The following ACTL6A variants were observed in gnomAD, a reference collection of about 807,000 sequenced individuals.
The protein encoded by ACTL6A is actin-like protein 6A.
Under a neutral mutation model 59.2 loss-of-function variants are expected in ACTL6A, and 5 were observed. The ratio of observed to expected loss-of-function variants is 0.08; its 90% CI spans 0.04 to 0.18. The LOEUF is 0.18. ACTL6A is among the 10% of genes least tolerant of loss of function. The pLI is 1.00. For synonymous variants in ACTL6A, 154 were observed against 171.8 expected (o/e 0.90, Z 0.81); for missense variants, 285 against 526.9 (o/e 0.54, Z 4.49).
In ACTL6A at chr3:179,569,842, T is replaced by A. The variant is rs1302794678; in HGVS notation, c.44T>A (p.Val15Asp). The A allele has an allele frequency of 6.2e-7, 1 of 1,614,042 alleles. No homozygotes were observed. ...VYGGDEVGAL[V>D]FDIGSYTVRA... Reference sequence around the variant, plus strand: ...TTTTCAGATGAAGTTGGAGCCCTTGTTTTTGACATTGGATCCTATACTGTG... The same window carrying A: ...TTTTCAGATGAAGTTGGAGCCCTTGATTTTGACATTGGATCCTATACTGTG... Residue 15 changes from valine (V) to aspartate (D), a missense_variant, in exon 2 of 14, where the codon GTT (valine) becomes GAT (aspartate). Transcript: ENST00000429709.
At chr3:179,564,728 A>G (rs182492830) in intron 1 of ACTL6A, among the ~76,000 whole-genome samples, 6 of 152,296 alleles carry the variant, frequency 3.9e-5, no homozygotes, top group Admixed American at 2.6e-4. Flanking sequence ...ATTTCACAAA[A>G]ATGTTTTTTG....
intron 8 of ACTL6A, among the ~76,000 whole-genome samples, chr3:179,580,377 G>C (rs2108366896): frequency 6.6e-6 from 1 of 152,260 alleles, no homozygotes; most frequent in Middle Eastern, 3.4e-3. Flanking sequence ...TGGTGCAGGG[G>C]TTCCTGCACC....
In ACTL6A at chr3:179,569,809, C is replaced by T. The variant is rs1717948129; in HGVS notation, c.26-15C>T. 2 of 1,611,536 alleles carry T rather than the reference C, an allele frequency of 1.2e-6. No homozygotes were observed. Among genetic ancestry groups the T allele is most frequent in the Non-Finnish European group, 1.7e-6 (2 of 1,177,806 alleles). The stretch of plus-strand genomic sequence containing the variant: ...TTTGCAAGCTGTTAATGCTAATTAT[C>T]TTTAATCTTTTCAGATGAAGTTGGA... On this transcript the variant is annotated splice_polypyrimidine_tract_variant and intron_variant, in intron 1 of 13. Coordinates refer to ENST00000429709, the MANE Select transcript of ACTL6A (RefSeq NM_004301.5).
chr3:179,574,938 G>A (rs894475864), intron 5 of ACTL6A: 1 of 175,784 alleles, frequency 5.7e-6, no homozygotes, highest in Non-Finnish European at 1.2e-5. Flanking sequence ...GCTATTTCCA[G>A]GATTACTGAA....
rs534709794 is a variant in ACTL6A, at chr3:179,569,858, C to A, written c.60C>A (p.Ser20=). The A allele has an allele frequency of 8.7e-6, 14 of 1,614,064 alleles. No individual in the cohort carries two copies. In the African/African-American group the frequency reaches 1.1e-4, roughly 12 times the overall value. ...EVGALVFDIG[S]YTVRAGYAGE... Reference sequence around the variant, plus strand: ...GAGCCCTTGTTTTTGACATTGGATCCTATACTGTGAGAGCTGGTTATGCTG... The same window carrying A: ...GAGCCCTTGTTTTTGACATTGGATCATATACTGTGAGAGCTGGTTATGCTG... The change falls in exon 2 of 14, where the codon TCC becomes TCA. Residue 20 remains serine (S), a synonymous_variant. Coordinates refer to ENST00000429709, the MANE Select transcript of ACTL6A (RefSeq NM_004301.5).
intron 1 of ACTL6A, among the ~76,000 whole-genome samples, chr3:179,564,829 C>T (rs960782229): frequency 6.6e-6 from 1 of 151,400 alleles, no homozygotes; most frequent in African/African-American, 2.4e-5. Flanking sequence ...CCGTATTTCA[C>T]TGATTCTTCG....
chr3:179,571,469 T>G (rs932088912), intron 3 of ACTL6A, among the ~76,000 whole-genome samples: 2 of 149,654 alleles, frequency 1.3e-5, no homozygotes, highest in African/African-American at 5.0e-5. Context: ...ATAGCCAAAA[T>G]CACTCTCAGG....
chr3:179,588,292 T>A lies in ACTL6A; in HGVS notation c.*282T>A. The A allele has an allele frequency of 3.3e-6, 1 of 299,814 alleles. No homozygotes were observed. The highest frequency in any genetic ancestry group is 6.0e-6 in the Non-Finnish European group (1 of 165,362). 18.6% of individuals were successfully genotyped at this position (299,814 alleles called of 1,614,324 possible). A position where few individuals can be genotyped will look rare whatever the true frequency, so the allele number is the denominator to read the frequency against. On this transcript the variant is annotated 3_prime_UTR_variant, in exon 14 of 14. Coordinates refer to ENST00000429709, the MANE Select transcript of ACTL6A (RefSeq NM_004301.5). ...AAATGCTTTCCAACTCTGTTTAGTG[T>A]ATTAATTACCAGTGGATTGGTAGAA...
intron 1 of ACTL6A, among the ~76,000 whole-genome samples, chr3:179,566,762 T>C (rs544828274): frequency 6.6e-6 from 1 of 152,304 alleles, no homozygotes; most frequent in African/African-American, 2.4e-5. Flanking sequence ...CGATCTCAGC[T>C]CGTTGCAGCC....
chr3:179,568,576 T>C (rs894944014), intron 1 of ACTL6A, among the ~76,000 whole-genome samples: 1 of 152,014 alleles, frequency 6.6e-6, no homozygotes, highest in Non-Finnish European at 1.5e-5. Flanking sequence ...TATATATGTA[T>C]GTGTATACAT....
chr3:179,563,274 C>T, intron 1 of ACTL6A, 157 bp downstream of exon 1: 4 of 1,280,314 alleles, frequency 3.1e-6, no homozygotes, highest in South Asian at 1.5e-5. Flanking sequence ...TCTGCCCGCC[C>T]CCGGAGCCCA....
rs1025291535 is a variant in ACTL6A, at chr3:179,569,867, G to A, written c.69G>A (p.Val23=). 2 of 1,614,224 alleles carry A rather than the reference G, an allele frequency of 1.2e-6. No homozygotes were observed. Among genetic ancestry groups the A allele is most frequent in the East Asian group, 4.5e-5 (2 of 44,888 alleles). ...TTTTTGACATTGGATCCTATACTGT[G>A]AGAGCTGGTTATGCTGGTGAGGACT... is the stretch of plus-strand genomic sequence containing the variant. ...ALVFDIGSYT[V]RAGYAGEDCP... The change falls in exon 2 of 14, where the codon GTG becomes GTA. Residue 23 remains valine, a synonymous_variant. Transcript: ENST00000429709.
At position 179,580,910 on chromosome 3, in the gene ACTL6A, C is replaced by G; in HGVS notation, c.847C>G (p.Pro283Ala). The part of the protein sequence containing the change: ...TYDEQVAAQM[P>A]TVHYEFPNGY... ...TGTTTTCAGAGTGGCTGCACAGATG[C>G]CAACTGTTCATTATGAATTCCCCAA... Residue 283 changes from proline (P) to alanine (A), a missense_variant, in exon 10 of 14, where the codon CCA becomes GCA. Pro to Ala is a conservative substitution (Grantham distance 27). Transcript: ENST00000429709. 2 of 1,586,472 alleles carry G rather than the reference C, an allele frequency of 1.3e-6. No homozygotes were observed. The highest frequency in any genetic ancestry group is 1.7e-6 in the Non-Finnish European group (2 of 1,173,826).
intron 8 of ACTL6A, among the ~76,000 whole-genome samples, chr3:179,579,489 C>CACACACA (rs966245251): frequency 1.3e-5 from 2 of 151,518 alleles, no homozygotes; most frequent in East Asian, 1.9e-4. Flanking sequence ...CACACACACA[C>CACACACA]ATTTTAAAGA....
At chr3:179,578,502 C>T (rs749105470) in intron 8 of ACTL6A, among the ~76,000 whole-genome samples, 1 of 152,020 alleles carries the variant, frequency 6.6e-6, no homozygotes, top group Non-Finnish European at 1.5e-5. Context: ...CCTTTAGTCC[C>T]AGCTACTTGG....
chr3:179,571,243 G>A lies in ACTL6A; in HGVS notation c.277+1002G>A, dbSNP rs571942770. On this transcript the variant is annotated intron_variant, in intron 3 of 13. Coordinates refer to ENST00000429709, the MANE Select transcript of ACTL6A (RefSeq NM_004301.5). Reference sequence around the variant, plus strand: ...TTGAGACCAGCCTGGGCAACATGGCGAAACCCCATCTCTACTAAAAATACA... The same window carrying A: ...TTGAGACCAGCCTGGGCAACATGGCAAAACCCCATCTCTACTAAAAATACA... Among the ~76,000 whole-genome samples the A allele has an allele frequency of 1.6e-4, 25 of 152,082 alleles. 1 individual carries two copies. The South Asian group carries it at 5.2e-3, about 32-fold the overall frequency.
chr3:179,571,938 G>A (rs539363797), intron 3 of ACTL6A, among the ~76,000 whole-genome samples: 1 of 152,208 alleles, frequency 6.6e-6, no homozygotes, highest in Non-Finnish European at 1.5e-5. Context: ...CCAGCTAAGA[G>A]TCAGCCTTAC....
At position 179,588,070 on chromosome 3, in the gene ACTL6A, A is replaced by G; in HGVS notation, c.*60A>G. The G allele has an allele frequency of 2.4e-6, 3 of 1,272,882 alleles. No individual in the cohort carries two copies. The highest frequency in any genetic ancestry group is 3.3e-6 in the Non-Finnish European group (3 of 920,576). The allele number at this position is 1,272,882 out of a possible 1,614,324, so 78.8% of individuals were successfully genotyped here. On this transcript the variant is annotated 3_prime_UTR_variant, in exon 14 of 14. Coordinates refer to ENST00000429709, the MANE Select transcript of ACTL6A (RefSeq NM_004301.5). ...ACCTTACGTTTCATAGCTTTAGTAT[A>G]CTCAGGAAAAGAATGACCATCTTTT...
chr3:179,563,226 C>T (rs991776629), intron 1 of ACTL6A, 109 bp downstream of exon 1: 23 of 1,478,806 alleles, frequency 1.6e-5, no homozygotes, highest in Non-Finnish European at 2.0e-5. Context: ...CTCCCCCTCT[C>T]GGGACCCCGG....
Sources: gnomAD v4.1 joint callset for allele counts (sites outside exome capture counted in the v4.1 genomes callset) on GRCh38, gnomAD v4.1.1 for gene constraint, MANE v1.5 for transcripts, NCBI Gene and HGNC (gene_info 2026-07-23, HGNC 2026-07-21) for gene names.